CARMIL1: variants seen among roughly 807,000 people sequenced by gnomAD.
CARMIL1 encodes the protein F-actin-uncapping protein LRRC16A.
CARMIL1 carries 90 observed loss-of-function variants against 177.1 expected under a neutral mutation model. The observed-to-expected ratio is 0.51, with a 90% CI of 0.43 to 0.61. CARMIL1 has a LOEUF of 0.61. Among genes scored for constraint, CARMIL1 ranks in the 20% least tolerant of loss-of-function variants. CARMIL1 has a pLI of 0.00. For synonymous variants in CARMIL1, 577 were observed against 606.2 expected, an observed-to-expected ratio of 0.95 and a Z score of 0.71; for missense variants, 1,380 against 1,667.0, an observed-to-expected ratio of 0.83 and a Z score of 3.00.
At chr6:25,612,273 A>C (rs560180314) in intron 36 of CARMIL1, 1 of 152,200 alleles carries the variant, frequency 6.6e-6, no homozygotes, top group Non-Finnish European at 1.5e-5. Flanking sequence ...TGTGAGTTCT[A>C]TCTTTTTCTT....
intron 2 of CARMIL1, among the ~76,000 whole-genome samples, chr6:25,335,959 C>T (rs1229580665): frequency 2.0e-5 from 3 of 152,108 alleles, no homozygotes; most frequent in Non-Finnish European, 4.4e-5. Flanking sequence ...ACTGTGTTGG[C>T]CATTGTTACT....
At chr6:25,456,507 T>C (rs1342454270) in intron 8 of CARMIL1, among the ~76,000 whole-genome samples, 4 of 152,184 alleles carry the variant, frequency 2.6e-5, no homozygotes, top group African/African-American at 9.7e-5. Flanking sequence ...TTTAAGTATA[T>C]TCTTTCAATT....
chr6:25,431,340 C>T (rs1421405910), intron 4 of CARMIL1, among the ~76,000 whole-genome samples: 1 of 151,962 alleles, frequency 6.6e-6, no homozygotes, highest in African/African-American at 2.4e-5. Context: ...TCAAAATTGT[C>T]ACTATGTTTT....
intron 26 of CARMIL1, among the ~76,000 whole-genome samples, chr6:25,546,653 TCAA>T (rs1449454784): frequency 3.0e-5 from 4 of 134,118 alleles, no homozygotes; most frequent in East Asian, 2.1e-4. Flanking sequence ...AGATCCCGTC[TCAA>T]CAACAACAAC....
intron 2 of CARMIL1, among the ~76,000 whole-genome samples, chr6:25,349,353 A>G (rs537439578): frequency 4.6e-5 from 7 of 152,260 alleles, no homozygotes; most frequent in Non-Finnish European, 8.8e-5. Flanking sequence ...GGTCCCAGTC[A>G]GGAATTGATT....
intron 2 of CARMIL1, among the ~76,000 whole-genome samples, chr6:25,329,662 A>G (rs939675325): frequency 6.6e-6 from 1 of 152,206 alleles, no homozygotes; most frequent in Non-Finnish European, 1.5e-5. Flanking sequence ...TCTTTTGGAG[A>G]AGTCAAACAA....
intron 2 of CARMIL1, among the ~76,000 whole-genome samples, chr6:25,339,783 G>A (rs1158973433): frequency 6.6e-6 from 1 of 152,200 alleles, no homozygotes; most frequent in East Asian, 1.9e-4. Context: ...TGCTCAGTGT[G>A]ACCTTGGGCA....
intron 2 of CARMIL1, among the ~76,000 whole-genome samples, chr6:25,367,470 A>C (rs1272146561): frequency 6.6e-6 from 1 of 151,846 alleles, no homozygotes; most frequent in East Asian, 1.9e-4. Context: ...CTGTGTCTGG[A>C]AGGACCTCCT....
At chr6:25,533,512 G>C (rs1345052516) in intron 24 of CARMIL1, among the ~76,000 whole-genome samples, 2 of 152,178 alleles carry the variant, frequency 1.3e-5, no homozygotes, top group Non-Finnish European at 2.9e-5. Context: ...CTTCTTACCA[G>C]TAAACATTAA....
chr6:25,393,216 G>A (rs965036453), intron 2 of CARMIL1, among the ~76,000 whole-genome samples: 1 of 152,070 alleles, frequency 6.6e-6, no homozygotes, highest in Non-Finnish European at 1.5e-5. Context: ...TTCCTTATAG[G>A]ATTGTTGTAA....
chr6:25,604,666 C>CA, intron 33 of CARMIL1, 146 bp from the exon 34 acceptor site: 1 of 649,118 alleles, frequency 1.5e-6, no homozygotes, highest in Non-Finnish European at 2.7e-6. Flanking sequence ...GCCAGAGAGC[C>CA]TATGGAGACA....
chr6:25,510,373 A>G (rs1229559655), intron 18 of CARMIL1, 134 bp from the exon 19 acceptor site: 2 of 574,962 alleles, frequency 3.5e-6, no homozygotes, highest in East Asian at 5.7e-5. Flanking sequence ...AAAATAAAAG[A>G]TTAGAATCCC....
intron 15 of CARMIL1, 92 bp downstream of exon 15, chr6:25,492,116 T>C: frequency 9.5e-7 from 1 of 1,056,254 alleles, no homozygotes. Context: ...AAAGGGTGAA[T>C]GTTGTATATG....
intron 24 of CARMIL1, among the ~76,000 whole-genome samples, chr6:25,532,479 T>C (rs1364423721): frequency 6.6e-6 from 1 of 152,190 alleles, no homozygotes; most frequent in Non-Finnish European, 1.5e-5. Flanking sequence ...ACATTATAAT[T>C]AGCAGTTTTT....
At chr6:25,426,217 T>C (rs1314604944) in intron 3 of CARMIL1, among the ~76,000 whole-genome samples, 1 of 152,186 alleles carries the variant, frequency 6.6e-6, no homozygotes, top group African/African-American at 2.4e-5. Context: ...CTTCTACTAT[T>C]GTGTTTGTCT....
chr6:25,447,176 A>G (rs1188495338), intron 5 of CARMIL1, among the ~76,000 whole-genome samples: 1 of 152,236 alleles, frequency 6.6e-6, no homozygotes, highest in African/African-American at 2.4e-5. Flanking sequence ...CAAAGCTTCA[A>G]TTGGCAAAAA....
intron 26 of CARMIL1, among the ~76,000 whole-genome samples, chr6:25,540,981 T>G (rs1808833372): frequency 6.6e-6 from 1 of 152,186 alleles, no homozygotes; most frequent in Non-Finnish European, 1.5e-5. Context: ...TTATTTTATT[T>G]AATCACGGTT....
chr6:25,498,102 C>T (rs976211476), intron 16 of CARMIL1, among the ~76,000 whole-genome samples: 9 of 152,108 alleles, frequency 5.9e-5, no homozygotes, highest in African/African-American at 1.9e-4. Context: ...TTTCCCTCCC[C>T]CAAGCCTTTC....
chr6:25,358,882 A>G lies in CARMIL1; in HGVS notation c.139-61232A>G, dbSNP rs1013714454. On this transcript the variant is annotated intron_variant, in intron 2 of 36. Transcript: ENST00000329474. ...GAAGGATTCAAAGATGGGAATAGCT[A>G]TCATGTGAATGAAGGCATTGCACTG... Among the ~76,000 whole-genome samples, 5 of 152,228 alleles carry G rather than the reference A, an allele frequency of 3.3e-5. No individual in the cohort carries two copies. In the East Asian group the frequency reaches 5.8e-4, roughly 18 times the overall value.
Sources: allele counts gnomAD v4.1 joint callset (sites outside exome capture counted in the v4.1 genomes callset), GRCh38; gene constraint gnomAD v4.1.1; transcripts MANE v1.5; gene names NCBI Gene and HGNC (gene_info 2026-07-23, HGNC 2026-07-21).